GLRA2: variants seen among roughly 807,000 people sequenced by gnomAD.
GLRA2 encodes the protein glycine receptor subunit alpha-2.
GLRA2 carries 11 observed loss-of-function variants against 31.6 expected under a neutral mutation model. The ratio of observed to expected loss-of-function variants is 0.35; its 90% CI spans 0.22 to 0.58. GLRA2 has a LOEUF of 0.58. Among genes scored for constraint, GLRA2 ranks in the 20% least tolerant of loss-of-function variants. The pLI is 0.84. For synonymous variants in GLRA2, 132 were observed against 134.0 expected (o/e 0.99, Z 0.10); for missense variants, 212 against 351.8 (o/e 0.60, Z 3.18).
intron 7 of GLRA2, among the ~76,000 whole-genome samples, chrX:14,640,933 G>A (rs1479073432): frequency 1.8e-5 from 2 of 111,059 alleles, no homozygotes; most frequent in Non-Finnish European, 3.8e-5. Context: ...CTTGACTCCA[G>A]TGTGTATTGA....
the GLRA2 span, among the ~76,000 whole-genome samples, chrX:14,517,229 C>T: frequency 8.9e-6 from 1 of 112,102 alleles, no homozygotes; most frequent in Non-Finnish European, 1.9e-5. Context: ...CATCAATTAA[C>T]AACTATGAGT....
the GLRA2 span, among the ~76,000 whole-genome samples, chrX:14,462,416 C>T: frequency 9.0e-6 from 1 of 111,659 alleles, no homozygotes; most frequent in Admixed American, 9.5e-5. Flanking sequence ...TGGGGAAGTT[C>T]TCCTGGATAA....
chrX:14,526,458 G>C (rs1283341865), upstream of GLRA2, among the ~76,000 whole-genome samples: 1 of 112,223 alleles, frequency 8.9e-6, no homozygotes, highest in African/African-American at 3.2e-5. Context: ...TGTTGGTTCA[G>C]GTAGATTAGT....
the GLRA2 span, among the ~76,000 whole-genome samples, chrX:14,509,726 A>ATCC: frequency 1.8e-5 from 2 of 112,515 alleles, no homozygotes; most frequent in Non-Finnish European, 3.8e-5. Context: ...TTTCAAATCC[A>ATCC]GCTCCTAACT....
chrX:14,513,179 A>G, the GLRA2 span, among the ~76,000 whole-genome samples: 5 of 111,854 alleles, frequency 4.5e-5, no homozygotes, highest in Non-Finnish European at 9.4e-5. Flanking sequence ...CGCCTGCCCT[A>G]TTCAACAAAT....
At chrX:14,617,169 G>T (rs1228839163) in intron 7 of GLRA2, among the ~76,000 whole-genome samples, 2 of 111,264 alleles carry the variant, frequency 1.8e-5, no homozygotes. Flanking sequence ...GGAAATTCAG[G>T]ATTATTTTGA....
intron 8 of GLRA2, among the ~76,000 whole-genome samples, chrX:14,719,428 A>G (rs1427863523): frequency 1.8e-5 from 2 of 112,396 alleles, no homozygotes; most frequent in Non-Finnish European, 3.8e-5. Flanking sequence ...AAGACATACA[A>G]ATGACCAACA....
At chrX:14,620,780 G>C (rs1225920205) in intron 7 of GLRA2, among the ~76,000 whole-genome samples, 1 of 111,487 alleles carries the variant, frequency 9.0e-6, no homozygotes, top group African/African-American at 3.3e-5. Flanking sequence ...GTAGAGCATG[G>C]GGCCTCAGCA....
At chrX:14,526,438 G>A (rs955671683), upstream of GLRA2, among the ~76,000 whole-genome samples, 3 of 112,401 alleles carry the variant, frequency 2.7e-5, no homozygotes, top group African/African-American at 9.7e-5. Context: ...TGAGGTAGTA[G>A]AAGACCAGCT....
At chrX:14,607,520 G>C (rs1261229699) in intron 6 of GLRA2, among the ~76,000 whole-genome samples, 3 of 111,316 alleles carry the variant, frequency 2.7e-5, no homozygotes, top group Non-Finnish European at 3.8e-5. Context: ...ATCTTTTGCT[G>C]TTCCTAGCTG....
the GLRA2 span, among the ~76,000 whole-genome samples, chrX:14,467,871 C>T: frequency 3.6e-5 from 4 of 110,779 alleles, no homozygotes; most frequent in Non-Finnish European, 5.7e-5. Flanking sequence ...TCCTTTACTT[C>T]AAGTTTATTG....
At position 14,609,065 on chromosome X, in the gene GLRA2, C is replaced by T; in HGVS notation, c.790C>T (p.Pro264Ser). Residue 264 changes from proline (P) to serine (S), a missense_variant, in exon 7 of 9, where the codon CCA becomes TCA. Transcript: ENST00000218075. ...MGYYLIQMYI[P>S]SLLIVILSWV... Reference sequence around the variant, plus strand: ...ATATTATTTGATCCAGATGTACATCCCAAGCCTGCTTATAGTAATTTTGTC... The same window carrying T: ...ATATTATTTGATCCAGATGTACATCTCAAGCCTGCTTATAGTAATTTTGTC... 1 of 1,186,934 alleles carries T rather than the reference C, an allele frequency of 8.4e-7. No homozygotes were observed.
At chrX:14,658,382 A>G (rs2090959878) in intron 7 of GLRA2, among the ~76,000 whole-genome samples, 1 of 111,626 alleles carries the variant, frequency 9.0e-6, no homozygotes, top group Admixed American at 9.6e-5. Flanking sequence ...TCTTTATTGC[A>G]TTATCTTTAA....
chrX:14,533,656 A>G (rs2147000495), intron 2 of GLRA2, among the ~76,000 whole-genome samples: 1 of 111,285 alleles, frequency 9.0e-6, no homozygotes, highest in East Asian at 2.8e-4. Context: ...GCTCATTCAT[A>G]TATTTATCCA....
At chrX:14,471,859 A>G in the GLRA2 span, among the ~76,000 whole-genome samples, 34 of 112,312 alleles carry the variant, frequency 3.0e-4, no homozygotes, top group African/African-American at 1.0e-3. Flanking sequence ...TTTATACATT[A>G]TACCAAGAAA....
chrX:14,589,477 G>A (rs1428353117), intron 4 of GLRA2, among the ~76,000 whole-genome samples: 3 of 95,660 alleles, frequency 3.1e-5, no homozygotes, highest in South Asian at 1.0e-3. Context: ...GGCCAAAATG[G>A]TGAAACCCCA....
At chrX:14,481,706 A>G in the GLRA2 span, among the ~76,000 whole-genome samples, 5 of 111,308 alleles carry the variant, frequency 4.5e-5, no homozygotes, top group African/African-American at 1.6e-4. Flanking sequence ...GTGATTGTAA[A>G]TGAGTTCCAT....
intron 7 of GLRA2, among the ~76,000 whole-genome samples, chrX:14,630,803 CTT>C (rs34851916): frequency 0.22 from 19,902 of 89,845 alleles, 1,988 homozygotes; most frequent in Non-Finnish European, 0.31. Flanking sequence ...TTGGTCTCTG[CTT>C]TTTTTTTTTT....
chrX:14,504,707 T>C, the GLRA2 span, among the ~76,000 whole-genome samples: 1 of 112,195 alleles, frequency 8.9e-6, no homozygotes, highest in African/African-American at 3.2e-5. Flanking sequence ...ATTTAGATAC[T>C]CTAATCAGCA....
Sources: gnomAD v4.1 joint callset for allele counts (sites outside exome capture counted in the v4.1 genomes callset) on GRCh38, gnomAD v4.1.1 for gene constraint, MANE v1.5 for transcripts, NCBI Gene and HGNC (gene_info 2026-07-23, HGNC 2026-07-21) for gene names.